The following ACRV1 variants were observed in gnomAD, a reference collection of about 807,000 sequenced individuals.
ACRV1 encodes the protein acrosomal vesicle protein 1, also known as acrosomal protein SP-10.
In ACRV1, 17 loss-of-function variants were observed where a neutral mutation model predicts 29.2. The ratio of observed to expected loss-of-function variants is 0.58; its 90% CI spans 0.40 to 0.87. ACRV1 has a LOEUF of 0.87. ACRV1 is among the 40% of genes least tolerant of loss of function. ACRV1 has a pLI of 0.00. For synonymous variants in ACRV1, 98 were observed against 111.6 expected (o/e 0.88, Z 0.77); for missense variants, 294 against 316.0 (o/e 0.93, Z 0.53).
chr11:125,672,662 G>T lies in ACRV1; in HGVS notation c.729C>A (p.Asn243Lys). The change falls in exon 4 of 4, where the codon AAC (asparagine) becomes AAA (lysine). Residue 243 changes from asparagine (N) to lysine (K), a missense_variant. Transcript: ENST00000533904. Reference protein sequence around the residue: ...QGCENMCPSMNLFSHGTRMQI... With the variant: ...QGCENMCPSMKLFSHGTRMQI... ...GCATCCTCGTTCCATGGGAGAAGAG[G>T]TTCATAGATGGGCACATGTTCTCAC... 1 of 1,614,154 alleles carries T rather than the reference G, an allele frequency of 6.2e-7. No homozygotes were observed. Among genetic ancestry groups the T allele is most frequent in the Non-Finnish European group, 8.5e-7 (1 of 1,180,014 alleles).
chr11:125,671,806 T>C lies in ACRV1; in HGVS notation c.*787A>G, dbSNP rs1942210485. 1 of 152,226 alleles carries C rather than the reference T, an allele frequency of 6.6e-6. No homozygotes were observed. 9.4% of individuals were successfully genotyped at this position (152,226 alleles called of 1,614,324 possible). A position where few individuals can be genotyped will look rare whatever the true frequency, so the allele number is the denominator to read the frequency against. On this transcript the variant is annotated 3_prime_UTR_variant, in exon 4 of 4. Coordinates refer to ENST00000533904, the MANE Select transcript of ACRV1 (RefSeq NM_001612.6). Reference sequence around the variant, plus strand: ...TGATGCCATCTTTCCTGTCTACCACTCTGGGATCTTTCCTGAGGATCAGAT... The same window carrying C: ...TGATGCCATCTTTCCTGTCTACCACCCTGGGATCTTTCCTGAGGATCAGAT...
intron 3 of ACRV1, among the ~76,000 whole-genome samples, chr11:125,675,622 A>G (rs1942466148): frequency 6.6e-6 from 1 of 152,218 alleles, no homozygotes; most frequent in South Asian, 2.1e-4. Flanking sequence ...ATATACTCAG[A>G]CTGGTCTGGT....
At chr11:125,676,712 A>AT (rs1942529076) in intron 2 of ACRV1, among the ~76,000 whole-genome samples, 1 of 151,790 alleles carries the variant, frequency 6.6e-6, no homozygotes, top group South Asian at 2.1e-4. Flanking sequence ...TCTCTCTAAT[A>AT]TTTTTACTCC....
At chr11:125,680,050 G>C (rs1942723989) in intron 1 of ACRV1, among the ~76,000 whole-genome samples, 1 of 152,206 alleles carries the variant, frequency 6.6e-6, no homozygotes, top group South Asian at 2.1e-4. Context: ...CTATCACCTG[G>C]TGGCTGTGTA....
Position 125,677,984 on chromosome 11 carries a change from T to C in ACRV1, c.366A>G (p.Glu122=). Residue 122 remains glutamate (E), a synonymous_variant, in exon 2 of 4, where the codon GAA becomes GAG. Coordinates refer to ENST00000533904, the MANE Select transcript of ACRV1 (RefSeq NM_001612.6). Reference sequence around the variant, plus strand: ...TCAAAGGCTGTTCTCCGGAGAGGTGTTCACCTGAAGGCTGTTCTCCTGAAG... The same window carrying C: ...TCAAAGGCTGTTCTCCGGAGAGGTGCTCACCTGAAGGCTGTTCTCCTGAAG... The part of the protein sequence containing the change: ...EQPSGEQPSG[E]HLSGEQPLSE... The C allele has an allele frequency of 1.2e-6, 2 of 1,613,514 alleles. No individual in the cohort carries two copies. The highest frequency in any genetic ancestry group is 1.7e-6 in the Non-Finnish European group (2 of 1,179,548).
At chr11:125,674,812 A>G (rs935237979) in intron 3 of ACRV1, among the ~76,000 whole-genome samples, 2 of 152,160 alleles carry the variant, frequency 1.3e-5, no homozygotes, top group African/African-American at 4.8e-5. Context: ...AATAAAGGAG[A>G]ACTATTAAAT....
In ACRV1 at chr11:125,672,493, G is replaced by A; in HGVS notation, c.*100C>T. The A allele has an allele frequency of 7.1e-7, 1 of 1,401,416 alleles. No homozygotes were observed. The highest frequency in any genetic ancestry group is 9.8e-7 in the Non-Finnish European group (1 of 1,022,234). 86.8% of individuals were successfully genotyped at this position (1,401,416 alleles called of 1,614,324 possible). On this transcript the variant is annotated 3_prime_UTR_variant, in exon 4 of 4. Transcript: ENST00000533904. ...TAATGCTCAGGCAGAGGCAGATGTGGTCAGTTGTTGACTGGGGAAGGAACT... is the reference window on the plus strand; with the variant it reads ...TAATGCTCAGGCAGAGGCAGATGTGATCAGTTGTTGACTGGGGAAGGAACT...
rs1942259866 is a variant in ACRV1 at position 125,672,702 on chromosome 11, A to T, written c.689T>A (p.Phe230Tyr). ...KKIFEGGKLQ[F>Y]MVQGCENMCP... The stretch of plus-strand genomic sequence containing the variant: ...CATGTTCTCACACCCTTGAACCATG[A>T]ATTGGAGTTTTCCACCTGAAAGGAG... Residue 230 changes from phenylalanine to tyrosine, a missense_variant, in exon 4 of 4, where the codon TTC becomes TAC. Coordinates refer to ENST00000533904, the MANE Select transcript of ACRV1 (RefSeq NM_001612.6). The T allele has an allele frequency of 6.2e-7, 1 of 1,614,086 alleles. No individual in the cohort carries two copies. Among genetic ancestry groups the T allele is most frequent in the Non-Finnish European group, 8.5e-7 (1 of 1,180,004 alleles).
intron 1 of ACRV1, among the ~76,000 whole-genome samples, chr11:125,678,978 T>TA (rs1555078666): frequency 5.9e-4 from 52 of 88,364 alleles, no homozygotes; most frequent in African/African-American, 1.4e-3. Context: ...TCTAGGCATA[T>TA]TATATATATA....
intron 3 of ACRV1, 60 bp from the exon 4 acceptor site, chr11:125,672,777 A>G: frequency 1.9e-6 from 3 of 1,601,044 alleles, no homozygotes; most frequent in Non-Finnish European, 2.6e-6. Context: ...CTTAGCCTTT[A>G]TCTGTGATGC....
At chr11:125,679,343 G>A (rs1942693794) in intron 1 of ACRV1, among the ~76,000 whole-genome samples, 1 of 150,388 alleles carries the variant, frequency 6.6e-6, no homozygotes, top group Non-Finnish European at 1.5e-5. Flanking sequence ...TCTGCCTCCC[G>A]AGTAGCTGGG....
Position 125,678,147 on chromosome 11 carries a change from T to G in ACRV1, c.203A>C (p.His68Pro). The G allele has an allele frequency of 6.2e-7, 1 of 1,614,200 alleles. No homozygotes were observed. The highest frequency in any genetic ancestry group is 8.5e-7 in the Non-Finnish European group (1 of 1,180,042). The change falls in exon 2 of 4, where the codon CAT (histidine) becomes CCT (proline). Residue 68 changes from histidine (H) to proline (P), a missense_variant. By Grantham distance (77) the His-to-Pro change is moderately conservative. Transcript: ENST00000533904. ...TSSGLNTLSE[H>P]GSSEHGSSKH... ...GCTTGAACCATGCTCACTGGAACCA[T>G]GCTCACTTAAAGTGTTCAGGCCTGA... is the stretch of plus-strand genomic sequence containing the variant.
chr11:125,679,228 T>TTTTTTTTTTTTTTTTTG lies in ACRV1; in HGVS notation c.53-932_53-931insCAAAAAAAAAAAAAAAA, dbSNP rs1454887323. Among the ~76,000 whole-genome samples the TTTTTTTTTTTTTTTTTG allele has an allele frequency of 3.4e-5, 5 of 145,644 alleles. 1 individual carries two copies. The highest frequency in any genetic ancestry group is 2.2e-4 in the South Asian group (1 of 4,504). On this transcript the variant is annotated intron_variant, in intron 1 of 3. Coordinates refer to ENST00000533904, the MANE Select transcript of ACRV1 (RefSeq NM_001612.6). ...AATCCGTCTCTTTCTTTTTTTTTTTTTGTTTCAAAGATAGAGTCTCGCTCT... is the reference window on the plus strand; with the variant it reads ...AATCCGTCTCTTTCTTTTTTTTTTTTTTTTTTTTTTTTTTTTGTGTTTCAAAGATAGAGTCTCGCTCT...
chr11:125,677,657 T>C, intron 2 of ACRV1, 140 bp downstream of exon 2: 2 of 1,182,172 alleles, frequency 1.7e-6, no homozygotes, highest in Non-Finnish European at 2.4e-6. Flanking sequence ...TGACGAGAAC[T>C]AGAGAGACTT....
intron 1 of ACRV1, among the ~76,000 whole-genome samples, chr11:125,679,212 C>CTTTTTTTTTTTTTTTTTTTT (rs1337479067): frequency 1.3e-5 from 1 of 74,460 alleles, no homozygotes; most frequent in African/African-American, 4.6e-5. Flanking sequence ...TAATCCGTCT[C>CTTTTTTTTTTTTTTTTTTTT]TTTCTTTTTT....
At chr11:125,677,397 T>C (rs1942562625) in intron 2 of ACRV1, among the ~76,000 whole-genome samples, 1 of 152,178 alleles carries the variant, frequency 6.6e-6, no homozygotes, top group Non-Finnish European at 1.5e-5. Flanking sequence ...CTTTACAGAA[T>C]TTGTAAAGTT....
intron 3 of ACRV1, among the ~76,000 whole-genome samples, chr11:125,674,485 C>T (rs1591435734): frequency 1.3e-5 from 2 of 152,232 alleles, no homozygotes; most frequent in Middle Eastern, 6.8e-3. Context: ...TGGTGACTTG[C>T]GTAGCTGGAG....
In ACRV1 at chr11:125,676,471, T is replaced by C. The variant is rs1199376123; in HGVS notation, c.561A>G (p.Ile187Met). The C allele has an allele frequency of 6.2e-7, 1 of 1,614,176 alleles. No homozygotes were observed. The highest frequency in any genetic ancestry group is 8.5e-7 in the Non-Finnish European group (1 of 1,180,014). Residue 187 changes from isoleucine (I) to methionine (M), a missense_variant, in exon 3 of 4, where the codon ATA becomes ATG. Transcript: ENST00000533904. ...APISSTSTGT[I>M]LNCYTCAYMN... is the part of the protein sequence containing the mutation. ...TATAAGCACATGTGTAGCAATTTAA[T>C]ATTGTGCCTGAAAATTTAAGATAAG...
In ACRV1 at chr11:125,678,978, T is replaced by TTTTATATATATATATATATATATA. The variant is rs1555078664; in HGVS notation, c.53-682_53-681insTATATATATATATATATATATAAA. Among the ~76,000 whole-genome samples, 4 of 88,440 alleles carry TTTTATATATATATATATATATATA rather than the reference T, an allele frequency of 4.5e-5. No individual in the cohort carries two copies. The East Asian group carries it at 1.2e-3, about 27-fold the overall frequency. 58.0% of individuals were successfully genotyped at this position (88,440 alleles called of 152,430 possible). A position where few individuals can be genotyped will look rare whatever the true frequency, so the allele number is the denominator to read the frequency against. On this transcript the variant is annotated intron_variant, in intron 1 of 3. Transcript: ENST00000533904. ...GTAAAAAAAAAAAAGTCTAGGCATA[T>TTTTATATATATATATATATATATA]TATATATATATATATATATAGACAC...
Sources: allele counts gnomAD v4.1 joint callset (sites outside exome capture counted in the v4.1 genomes callset), GRCh38; gene constraint gnomAD v4.1.1; transcripts MANE v1.5; gene names NCBI Gene and HGNC (gene_info 2026-07-23, HGNC 2026-07-21).